The following POTEJ variants were observed in gnomAD, a reference collection of about 807,000 sequenced individuals.
The protein encoded by POTEJ is POTE ankyrin domain family member J, also known as POTE ankyrin domain family, member J.
POTEJ carries 11 observed loss-of-function variants against 69.0 expected under a neutral mutation model. The observed-to-expected ratio is 0.16, with a 90% CI of 0.10 to 0.26. The LOEUF is 0.26. POTEJ is among the 10% of genes least tolerant of loss of function. The pLI, the probability that POTEJ is intolerant of heterozygous loss-of-function variation, is 1.00. For synonymous variants in POTEJ, 117 were observed against 381.1 expected (o/e 0.31, Z 8.07); for missense variants, 327 against 1,045.5 (o/e 0.31, Z 9.48).
upstream of POTEJ, among the ~76,000 whole-genome samples, chr2:130,611,303 G>A (rs529292876): frequency 2.1e-5 from 3 of 142,734 alleles, no homozygotes; most frequent in East Asian, 2.0e-4. Flanking sequence ...TTTTCTTGGG[G>A]GGGGGGGGGT....
At chr2:130,630,587 G>C (rs1422298115) in intron 7 of POTEJ, among the ~76,000 whole-genome samples, 1 of 141,312 alleles carries the variant, frequency 7.1e-6, no homozygotes, top group Non-Finnish European at 1.5e-5. Context: ...CTGCCTTATG[G>C]TCTCTCATTG....
intron 11 of POTEJ, among the ~76,000 whole-genome samples, chr2:130,644,678 G>T (rs1686522121): frequency 7.0e-6 from 1 of 142,900 alleles, no homozygotes; most frequent in Non-Finnish European, 1.5e-5. Context: ...TTTTGGAATA[G>T]AGGCAAAAAC....
chr2:130,646,466 AC>A (rs1473051823), intron 13 of POTEJ, among the ~76,000 whole-genome samples, 156 bp downstream of exon 13: 1 of 132,968 alleles, frequency 7.5e-6, no homozygotes, highest in East Asian at 2.0e-4. Flanking sequence ...ACAATCAGTT[AC>A]CGTTTTTTTT....
At chr2:130,635,007 G>A (rs1453298497) in intron 9 of POTEJ, among the ~76,000 whole-genome samples, 27 of 148,732 alleles carry the variant, frequency 1.8e-4, no homozygotes, top group Non-Finnish European at 3.3e-4. Context: ...CCTCCCTAAC[G>A]GCGTCTTCAC....
At chr2:130,636,850 T>C (rs1237843685) in intron 9 of POTEJ, among the ~76,000 whole-genome samples, 1 of 147,580 alleles carries the variant, frequency 6.8e-6, no homozygotes, top group African/African-American at 2.5e-5. Context: ...CACAGCACTT[T>C]GGGAGGCCAA....
intron 10 of POTEJ, among the ~76,000 whole-genome samples, chr2:130,641,194 C>T (rs1342142288): frequency 1.3e-5 from 2 of 152,096 alleles, no homozygotes; most frequent in African/African-American, 4.8e-5. Context: ...CCTATAGTTT[C>T]CTGGGATTGA....
At chr2:130,644,425 C>T (rs1686509763) in intron 11 of POTEJ, among the ~76,000 whole-genome samples, 1 of 151,904 alleles carries the variant, frequency 6.6e-6, no homozygotes, top group Non-Finnish European at 1.5e-5. Context: ...AGCCGACATC[C>T]ACCACTACAC....
intron 1 of POTEJ, among the ~76,000 whole-genome samples, chr2:130,613,423 G>A (rs1468359786): frequency 8.0e-6 from 1 of 124,830 alleles, no homozygotes; most frequent in Non-Finnish European, 1.6e-5. Flanking sequence ...TTTTTTTTTG[G>A]TGGAGTCTCA....
rs1225430887 is a variant in POTEJ at position 130,655,578 on chromosome 2, T to A, written c.1788+537T>A. ...TACACATTTAGTAATAATTTATTGATAAGTATTTTCTTTCTGGAGAAATAG... is the reference window on the plus strand; with the variant it reads ...TACACATTTAGTAATAATTTATTGAAAAGTATTTTCTTTCTGGAGAAATAG... On this transcript the variant is annotated intron_variant, in intron 14 of 14. Coordinates refer to ENST00000409602, the MANE Select transcript of POTEJ (RefSeq NM_001277083.2). Among the ~76,000 whole-genome samples, 6 of 152,346 alleles carry A rather than the reference T, an allele frequency of 3.9e-5. No individual in the cohort carries two copies. The East Asian group carries it at 1.2e-3, about 29-fold the overall frequency.
chr2:130,629,448 G>T (rs534969775), intron 6 of POTEJ, among the ~76,000 whole-genome samples: 5 of 142,786 alleles, frequency 3.5e-5, no homozygotes, highest in Non-Finnish European at 7.6e-5. Flanking sequence ...AGGGGAGACA[G>T]TAAAGGATTT....
intron 6 of POTEJ, among the ~76,000 whole-genome samples, chr2:130,629,484 G>A (rs1160859168): frequency 2.1e-5 from 3 of 140,744 alleles, no homozygotes; most frequent in Non-Finnish European, 4.6e-5. Flanking sequence ...GCTGTGGGAT[G>A]TCTGGAGCCC....
chr2:130,638,011 C>A (rs558794191), intron 9 of POTEJ, among the ~76,000 whole-genome samples: 1 of 147,706 alleles, frequency 6.8e-6, no homozygotes, highest in Admixed American at 6.8e-5. Context: ...GAATTAGAAG[C>A]CATAAAGAGT....
chr2:130,642,898 T>A (rs1686444913), intron 10 of POTEJ, among the ~76,000 whole-genome samples: 1 of 150,862 alleles, frequency 6.6e-6, no homozygotes. Context: ...CTAGTCTCAA[T>A]ATTTAAGTCT....
chr2:130,613,384 G>GTGTATATATA (rs775956806), intron 1 of POTEJ, among the ~76,000 whole-genome samples: 5 of 83,552 alleles, frequency 6.0e-5, no homozygotes, highest in African/African-American at 2.3e-4. Flanking sequence ...GTGTGTGTGT[G>GTGTATATATA]TATATATATA....
intron 9 of POTEJ, among the ~76,000 whole-genome samples, chr2:130,636,936 G>A (rs1279793651): frequency 6.8e-6 from 1 of 146,760 alleles, no homozygotes; most frequent in African/African-American, 2.5e-5. Flanking sequence ...AAAATTAACC[G>A]GGTGTGGTGG....
Position 130,648,225 on chromosome 2 carries a change from T to C in POTEJ, c.1667+1915T>C, listed in dbSNP as rs1269154668. ...GTGCAAAGGGCCTTTAAAACCTTGG[T>C]CTGACATTTCTAAATGCCATATGTG... On this transcript the variant is annotated intron_variant, in intron 13 of 14. Coordinates refer to ENST00000409602, the MANE Select transcript of POTEJ (RefSeq NM_001277083.2). 6.8e-5 allele frequency among the ~76,000 whole-genome samples: 10 copies of C among 146,682 alleles called. 1 individual carries two copies. The highest frequency in any genetic ancestry group is 1.5e-4 in the Non-Finnish European group (10 of 66,352).
intron 10 of POTEJ, among the ~76,000 whole-genome samples, chr2:130,640,335 GA>G (rs1558927912): frequency 6.9e-6 from 1 of 144,056 alleles, no homozygotes; most frequent in Non-Finnish European, 1.5e-5. Flanking sequence ...GGAGTGAGGT[GA>G]ATACTTAGCT....
intron 6 of POTEJ, among the ~76,000 whole-genome samples, chr2:130,624,782 T>A (rs1392369976): frequency 2.0e-5 from 3 of 152,066 alleles, no homozygotes; most frequent in Non-Finnish European, 4.4e-5. Flanking sequence ...TACATATGCT[T>A]GTCCCAATAA....
chr2:130,657,056 A>C lies in POTEJ; in HGVS notation c.2296A>C (p.Ile766Leu). 6.3e-7 allele frequency: 1 copy of C among 1,581,098 alleles called. No individual in the cohort carries two copies. The highest frequency in any genetic ancestry group is 1.5e-5 in the African/African-American group (1 of 68,342). Residue 766 changes from isoleucine (I) to leucine (L), a missense_variant, in exon 15 of 15, where the codon ATC becomes CTC. Ile to Leu is a conservative substitution (Grantham distance 5). Coordinates refer to ENST00000409602, the MANE Select transcript of POTEJ (RefSeq NM_001277083.2). Reference sequence around the variant, plus strand: ...GCGTGTGGCCCCCGAGGAGCACCCCATCCTGCTGACCGAGGCCCCCCTGAA... The same window carrying C: ...GCGTGTGGCCCCCGAGGAGCACCCCCTCCTGCTGACCGAGGCCCCCCTGAA... ...ELRVAPEEHP[I>L]LLTEAPLNPK...
Sources: gnomAD v4.1 joint callset for allele counts (sites outside exome capture counted in the v4.1 genomes callset) on GRCh38, gnomAD v4.1.1 for gene constraint, MANE v1.5 for transcripts, NCBI Gene and HGNC (gene_info 2026-07-23, HGNC 2026-07-21) for gene names.